Variants in SPEF2 observed in about 807,000 individuals in gnomAD.
SPEF2 encodes the protein sperm flagella and cilia-associated protein 2.
In SPEF2, 187 loss-of-function variants were observed where a neutral mutation model predicts 224.6. That is an observed-to-expected ratio of 0.83 (90% CI 0.74 to 0.94). The LOEUF is 0.94. Ranked by LOEUF, SPEF2 falls within the 40% of genes least tolerant of loss-of-function variation. The pLI, the probability that SPEF2 is intolerant of heterozygous loss-of-function variation, is 0.00. For synonymous variants in SPEF2, 715 were observed against 707.3 expected, an observed-to-expected ratio of 1.01 and a Z score of -0.17; for missense variants, 2,170 against 2,135.6, an observed-to-expected ratio of 1.02 and a Z score of -0.32.
chr5:35,779,241 C>T lies in SPEF2; in HGVS notation c.4342C>T (p.Pro1448Ser), dbSNP rs1395421626. The T allele has an allele frequency of 1.9e-6, 3 of 1,613,756 alleles. No homozygotes were observed. Among genetic ancestry groups the T allele is most frequent in the South Asian group, 1.1e-5 (1 of 91,062 alleles). ...NGNIKVFPDPPPSIRPPPVEK... is the reference protein window; with the variant it reads ...NGNIKVFPDPSPSIRPPPVEK... Reference sequence around the variant, plus strand: ...CAATATAAAAGTCTTCCCAGATCCTCCCCCATCAATACGTCCTCCACCTGT... The same window carrying T: ...CAATATAAAAGTCTTCCCAGATCCTTCCCCATCAATACGTCCTCCACCTGT... Residue 1448 changes from proline (P) to serine (S), a missense_variant, in exon 30 of 37, where the codon CCC becomes TCC. Transcript: ENST00000356031.
intron 33 of SPEF2, among the ~76,000 whole-genome samples, chr5:35,796,257 A>G (rs1756641977): frequency 6.6e-6 from 1 of 152,128 alleles, no homozygotes; most frequent in Non-Finnish European, 1.5e-5. Flanking sequence ...ATTATCCTCA[A>G]TAATAGCATC....
intron 15 of SPEF2, 49 bp from the exon 16 acceptor site, chr5:35,700,447 A>G: frequency 6.6e-7 from 1 of 1,523,838 alleles, no homozygotes; most frequent in African/African-American, 1.4e-5. Context: ...GTATTTCCAA[A>G]GTACTTGTGT....
At chr5:35,786,818 C>T (rs2149817258) in intron 30 of SPEF2, among the ~76,000 whole-genome samples, 1 of 152,256 alleles carries the variant, frequency 6.6e-6, no homozygotes, top group Middle Eastern at 3.4e-3. Flanking sequence ...AAACATCTAC[C>T]AAGTGCTTAG....
At chr5:35,789,077 CA>C (rs1755592130) in intron 30 of SPEF2, 1 of 683,976 alleles carries the variant, frequency 1.5e-6, no homozygotes, top group South Asian at 1.6e-5. Context: ...TTCAGAATCA[CA>C]GAAAATACTT....
chr5:35,686,001 T>C (rs576703711), intron 10 of SPEF2, among the ~76,000 whole-genome samples: 4 of 152,226 alleles, frequency 2.6e-5, no homozygotes, highest in African/African-American at 7.2e-5. Context: ...CAAGCACCTA[T>C]TTTGATGAGG....
At chr5:35,788,489 G>A (rs1209826614) in intron 30 of SPEF2, 1 of 702,676 alleles carries the variant, frequency 1.4e-6, no homozygotes, top group Non-Finnish European at 2.6e-6. Flanking sequence ...TTTAATCAAA[G>A]AAGCCGAACT....
chr5:35,695,164 G>A (rs963448258), intron 13 of SPEF2, among the ~76,000 whole-genome samples: 10 of 151,862 alleles, frequency 6.6e-5, no homozygotes, highest in Non-Finnish European at 1.3e-4. Flanking sequence ...TGTTTCTTAA[G>A]AGATAATTTT....
intron 11 of SPEF2, among the ~76,000 whole-genome samples, chr5:35,691,996 C>T (rs1484017536): frequency 6.7e-6 from 1 of 149,884 alleles, no homozygotes; most frequent in Non-Finnish European, 1.5e-5. Flanking sequence ...GACAGGGTTT[C>T]ACCATGTTGG....
At chr5:35,721,099 A>C (rs1217870579) in intron 20 of SPEF2, among the ~76,000 whole-genome samples, 1 of 152,220 alleles carries the variant, frequency 6.6e-6, no homozygotes, top group Non-Finnish European at 1.5e-5. Context: ...TTCAATTTAC[A>C]GGAAAACCAT....
At chr5:35,668,430 T>A (rs1223819904) in intron 9 of SPEF2, among the ~76,000 whole-genome samples, 1 of 152,150 alleles carries the variant, frequency 6.6e-6, no homozygotes, top group East Asian at 1.9e-4. Flanking sequence ...TGATTTCATT[T>A]ATATAACATT....
Position 35,641,528 on chromosome 5 carries a change from A to G in SPEF2, c.259A>G (p.Thr87Ala). The change falls in exon 3 of 37, where the codon ACA (threonine) becomes GCA (alanine). Residue 87 changes from threonine to alanine, a missense_variant. Physicochemically the swap from Thr to Ala is moderately conservative, Grantham distance 58. Coordinates refer to ENST00000356031, the MANE Select transcript of SPEF2 (RefSeq NM_024867.4). ...TCAGAATGTGGCCCATGGCATCATC[A>G]CAGAAAAGCCTGGGGTGGCAACAAA... ...FDQNVAHGIITEKPGVATKLL... is the reference protein window; with the variant it reads ...FDQNVAHGIIAEKPGVATKLL... 10 of 1,613,854 alleles carry G rather than the reference A, an allele frequency of 6.2e-6. No individual in the cohort carries two copies. The highest frequency in any genetic ancestry group is 6.8e-6 in the Non-Finnish European group (8 of 1,179,850).
At chr5:35,710,609 G>C (rs1279353857) in intron 19 of SPEF2, 2 of 985,008 alleles carry the variant, frequency 2.0e-6, no homozygotes, top group Non-Finnish European at 2.4e-6. Flanking sequence ...CAGTGGGTCA[G>C]GTGAGCCTAG....
Position 35,774,027 on chromosome 5 carries a change from G to A in SPEF2, c.4078+6G>A, listed in dbSNP as rs764775596. 6.8e-6 allele frequency: 11 copies of A among 1,610,508 alleles called. No homozygotes were observed. The highest frequency in any genetic ancestry group is 1.7e-5 in the Admixed American group (1 of 59,712). On this transcript the variant is annotated splice_donor_region_variant and intron_variant, in intron 28 of 36. Transcript: ENST00000356031. ...TGCTGCCTTGCAATTTGAAGGTAGC[G>A]ATTGAAACGACTAAGATGATGCTTT...
Position 35,753,685 on chromosome 5 carries a change from G to C in SPEF2, c.3392G>C (p.Arg1131Pro), listed in dbSNP as rs572380741. The C allele has an allele frequency of 6.2e-7, 1 of 1,613,996 alleles. No homozygotes were observed. Among genetic ancestry groups the C allele is most frequent in the African/African-American group, 1.3e-5 (1 of 74,908 alleles). ...CGGAAGGAAGAGGCGGAGCAGGAGC[G>C]GCTTGACATCATTAATGAGAGCTGG... ...DARKEEAEQE[R>P]LDIINESWLQ... Residue 1131 changes from arginine to proline, a missense_variant, in exon 24 of 37, where the codon CGG becomes CCG. Coordinates refer to ENST00000356031, the MANE Select transcript of SPEF2 (RefSeq NM_024867.4).
intron 30 of SPEF2, among the ~76,000 whole-genome samples, chr5:35,787,592 C>A (rs1755340838): frequency 6.6e-6 from 1 of 152,162 alleles, no homozygotes; most frequent in South Asian, 2.1e-4. Context: ...CAACATTGGA[C>A]AGTTTAATAA....
At chr5:35,768,920 A>G (rs965104756) in intron 26 of SPEF2, among the ~76,000 whole-genome samples, 2 of 152,198 alleles carry the variant, frequency 1.3e-5, no homozygotes, top group African/African-American at 4.8e-5. Context: ...CTATCCATTT[A>G]GTAGACCATG....
intron 26 of SPEF2, among the ~76,000 whole-genome samples, chr5:35,766,435 T>A (rs1752098066): frequency 6.6e-6 from 1 of 152,070 alleles, no homozygotes; most frequent in Non-Finnish European, 1.5e-5. Context: ...ATGTTTAAAT[T>A]TATGGGTATG....
At chr5:35,642,984 C>G (rs1746808940) in intron 3 of SPEF2, among the ~76,000 whole-genome samples, 1 of 152,174 alleles carries the variant, frequency 6.6e-6, no homozygotes, top group South Asian at 2.1e-4. Flanking sequence ...CTCTAAACAA[C>G]TCTCAGCTTC....
intron 17 of SPEF2, among the ~76,000 whole-genome samples, chr5:35,704,880 A>C (rs975603895): frequency 6.6e-6 from 1 of 152,118 alleles, no homozygotes; most frequent in African/African-American, 2.4e-5. Context: ...AGAAGAATTA[A>C]ATCAGGCAAT....
Sources: allele counts gnomAD v4.1 joint callset (sites outside exome capture counted in the v4.1 genomes callset), GRCh38; gene constraint gnomAD v4.1.1; transcripts MANE v1.5; gene names NCBI Gene and HGNC (gene_info 2026-07-23, HGNC 2026-07-21).